SETD3: variants seen among roughly 807,000 people sequenced by gnomAD.
SETD3 encodes SET domain containing 3, actin N3(tau)-histidine methyltransferase, also known as actin-histidine N-methyltransferase.
Under a neutral mutation model 63.0 loss-of-function variants are expected in SETD3, and 19 were observed. The ratio of observed to expected loss-of-function variants is 0.30; its 90% CI spans 0.21 to 0.44. The LOEUF (loss-of-function observed/expected upper bound fraction) is 0.44, where lower values mean the gene tolerates loss of function less well. Ranked by LOEUF, SETD3 falls within the 20% of genes least tolerant of loss-of-function variation. The pLI, the probability that SETD3 is intolerant of heterozygous loss-of-function variation, is 1.00. For synonymous variants in SETD3, 286 were observed against 264.1 expected (o/e 1.08, Z -0.80); for missense variants, 587 against 728.5 (o/e 0.81, Z 2.24).
chr14:99,422,083 T>C (rs1170336586), intron 6 of SETD3, among the ~76,000 whole-genome samples: 2 of 152,302 alleles, frequency 1.3e-5, no homozygotes, highest in African/African-American at 4.8e-5. Flanking sequence ...AAGAATACCA[T>C]GTTTAGCTGT....
At chr14:99,447,993 G>A (rs775681489) in intron 6 of SETD3, among the ~76,000 whole-genome samples, 6 of 152,158 alleles carry the variant, frequency 3.9e-5, no homozygotes, top group Non-Finnish European at 1.5e-5. Context: ...TGCGAGAGAG[G>A]AGATTTTAAA....
At chr14:99,478,050 G>C (rs2400676) in intron 1 of SETD3, among the ~76,000 whole-genome samples, 149,778 of 152,190 alleles carry the variant, frequency 0.98, 73,743 homozygotes, top group East Asian at 1. Flanking sequence ...CAAACTGTTA[G>C]CCAGATAAAC....
At chr14:99,423,481 T>C (rs1284255663) in intron 6 of SETD3, among the ~76,000 whole-genome samples, 1 of 150,062 alleles carries the variant, frequency 6.7e-6, no homozygotes, top group East Asian at 2.0e-4. Context: ...AGGTTTGTTA[T>C]TAAGCAAAAC....
In SETD3 at chr14:99,404,293, A is replaced by G; in HGVS notation, c.1109T>C (p.Leu370Ser). The change falls in exon 11 of 13, where the codon TTG becomes TCG. Residue 370 changes from leucine to serine, a missense_variant. Coordinates refer to ENST00000331768, the MANE Select transcript of SETD3 (RefSeq NM_032233.3). ...AGAGATGGGCGGCTCGGTAAAATGC[A>G]ATGCAAAAACACTGGAACTGATAAA... is the stretch of plus-strand genomic sequence containing the variant. ...AGIPTSSVFA[L>S]HFTEPPISAQ... 3 of 1,614,130 alleles carry G rather than the reference A, an allele frequency of 1.9e-6. No individual in the cohort carries two copies. The highest frequency in any genetic ancestry group is 2.5e-6 in the Non-Finnish European group (3 of 1,180,002).
At chr14:99,454,012 G>GCT (rs1894613551) in intron 6 of SETD3, among the ~76,000 whole-genome samples, 1 of 152,160 alleles carries the variant, frequency 6.6e-6, no homozygotes, top group South Asian at 2.1e-4. Context: ...TCACACTGGA[G>GCT]CGTGAGACAA....
chr14:99,415,455 T>C (rs773627932), intron 6 of SETD3, among the ~76,000 whole-genome samples: 1 of 152,190 alleles, frequency 6.6e-6, no homozygotes, highest in Non-Finnish European at 1.5e-5. Context: ...TAAGTAGCCT[T>C]GGACCCTACA....
chr14:99,471,711 A>G (rs1895716366), intron 1 of SETD3, among the ~76,000 whole-genome samples: 1 of 152,232 alleles, frequency 6.6e-6, no homozygotes, highest in Admixed American at 6.5e-5. Context: ...GCTTTAGGAC[A>G]TTACATTTAA....
At chr14:99,401,981 C>T (rs1183172582) in intron 11 of SETD3, among the ~76,000 whole-genome samples, 1 of 152,218 alleles carries the variant, frequency 6.6e-6, no homozygotes, top group Non-Finnish European at 1.5e-5. Flanking sequence ...AGGCCAGGAG[C>T]TCCTGCAGCA....
intron 6 of SETD3, among the ~76,000 whole-genome samples, chr14:99,419,305 T>C (rs543568772): frequency 6.6e-5 from 10 of 152,264 alleles, no homozygotes; most frequent in Admixed American, 2.0e-4. Flanking sequence ...CACCTTATAA[T>C]TTAAAAAACT....
chr14:99,458,216 A>T lies in SETD3; in HGVS notation c.675+63T>A, dbSNP rs1894867412. 4.0e-6 allele frequency: 6 copies of T among 1,517,098 alleles called. No individual in the cohort carries two copies. In the South Asian group the frequency reaches 7.6e-5, roughly 19 times the overall value. The allele number at this position is 1,517,098 out of a possible 1,614,324, so 94.0% of individuals were successfully genotyped here. A position where few individuals can be genotyped will look rare whatever the true frequency, so the allele number is the denominator to read the frequency against. ...AAGACATCAAATGGAATATTTATGGACTCAATTCCTCTTTCCTCCCCACTC... is the reference window on the plus strand; with the variant it reads ...AAGACATCAAATGGAATATTTATGGTCTCAATTCCTCTTTCCTCCCCACTC... On this transcript the variant is annotated intron_variant, in intron 6 of 12. Coordinates refer to ENST00000331768, the MANE Select transcript of SETD3 (RefSeq NM_032233.3).
At chr14:99,485,524 C>T (rs1016710091), upstream of SETD3, among the ~76,000 whole-genome samples, 4 of 152,148 alleles carry the variant, frequency 2.6e-5, no homozygotes, top group African/African-American at 9.7e-5. Flanking sequence ...TTTATTATCC[C>T]TTGACCAGTT....
chr14:99,405,827 A>G (rs569629245), intron 9 of SETD3, among the ~76,000 whole-genome samples: 3 of 152,340 alleles, frequency 2.0e-5, no homozygotes, highest in African/African-American at 7.2e-5. Context: ...TTATTTCTAG[A>G]TCCTCTGGCA....
At chr14:99,417,834 T>C (rs991212726) in intron 6 of SETD3, among the ~76,000 whole-genome samples, 3 of 152,210 alleles carry the variant, frequency 2.0e-5, no homozygotes, top group African/African-American at 7.2e-5. Flanking sequence ...CATAAATACA[T>C]GGAGAGGTGT....
intron 2 of SETD3, among the ~76,000 whole-genome samples, chr14:99,464,155 A>G (rs1895235353): frequency 6.6e-6 from 1 of 152,198 alleles, no homozygotes; most frequent in African/African-American, 2.4e-5. Context: ...ACTGCTAAAA[A>G]AGAAGCCAAG....
intron 6 of SETD3, among the ~76,000 whole-genome samples, chr14:99,448,950 C>G (rs1332728374): frequency 6.6e-6 from 1 of 152,156 alleles, no homozygotes; most frequent in Non-Finnish European, 1.5e-5. Context: ...AAAAACTGCA[C>G]AAGACACATA....
intron 6 of SETD3, among the ~76,000 whole-genome samples, chr14:99,445,760 C>T (rs774470751): frequency 3.3e-5 from 5 of 152,112 alleles, no homozygotes; most frequent in Non-Finnish European, 7.4e-5. Flanking sequence ...TAACAGGTTC[C>T]CTCTTCTATC....
chr14:99,481,483 A>G, upstream of SETD3: 1 of 398,706 alleles, frequency 2.5e-6, no homozygotes, highest in Non-Finnish European at 4.4e-6. Context: ...GCGAGGGGTG[A>G]GTGACCCACC....
At chr14:99,481,560 C>G, upstream of SETD3, 1 of 398,332 alleles carries the variant, frequency 2.5e-6, no homozygotes. Context: ...CCAACCGCCG[C>G]TATCCACTGG....
At chr14:99,456,884 C>T (rs536604165) in intron 6 of SETD3, among the ~76,000 whole-genome samples, 126 of 152,332 alleles carry the variant, frequency 8.3e-4, no homozygotes, top group Non-Finnish European at 1.0e-3. Flanking sequence ...CTGCCATCAT[C>T]CTAGACCCTC....
Sources: allele counts gnomAD v4.1 joint callset (sites outside exome capture counted in the v4.1 genomes callset), GRCh38; gene constraint gnomAD v4.1.1; transcripts MANE v1.5; gene names NCBI Gene and HGNC (gene_info 2026-07-23, HGNC 2026-07-21).